Variants in TMTC2 observed in about 807,000 individuals in gnomAD.
The protein encoded by TMTC2 is protein O-mannosyl-transferase TMTC2.
TMTC2 carries 43 observed loss-of-function variants against 82.4 expected under a neutral mutation model. The observed-to-expected ratio is 0.52, with a 90% confidence interval of 0.41 to 0.67. The LOEUF is 0.67. Ranked by LOEUF, TMTC2 falls within the 30% of genes least tolerant of loss-of-function variation. The pLI is 0.00. For synonymous variants in TMTC2, 408 were observed against 381.9 expected, an observed-to-expected ratio of 1.07 and a Z score of -0.80; for missense variants, 919 against 1,012.4, an observed-to-expected ratio of 0.91 and a Z score of 1.25.
In TMTC2 at chr12:82,877,771, T is replaced by A. The variant is rs545534428; in HGVS notation, c.655-18047T>A. 1.4e-4 allele frequency among the ~76,000 whole-genome samples: 22 copies of A among 152,314 alleles called. No homozygotes were observed. In the South Asian group the frequency reaches 3.5e-3, roughly 24 times the overall value. On this transcript the variant is annotated intron_variant, in intron 2 of 11. Coordinates refer to ENST00000321196, the MANE Select transcript of TMTC2 (RefSeq NM_152588.3). ...TTCTACAGTAAAGGATGGTCCTTACTTGCCAAAGGAGCTTTAAATGTTTTC... is the reference window on the plus strand; with the variant it reads ...TTCTACAGTAAAGGATGGTCCTTACATGCCAAAGGAGCTTTAAATGTTTTC...
At chr12:83,061,639 C>T in intron 10 of TMTC2, 129 bp from the exon 11 acceptor site, 1 of 658,044 alleles carries the variant, frequency 1.5e-6, no homozygotes, top group Non-Finnish European at 2.4e-6. Context: ...AAGTCTTTTT[C>T]TGCTTGGGCA....
intron 1 of TMTC2, among the ~76,000 whole-genome samples, chr12:82,790,971 G>T (rs1190189114): frequency 6.6e-6 from 1 of 152,032 alleles, no homozygotes; most frequent in East Asian, 1.9e-4. Context: ...CCCTGTTTAG[G>T]GGAGCCAGTT....
intron 11 of TMTC2, among the ~76,000 whole-genome samples, chr12:83,062,319 T>C (rs1340875940): frequency 1.3e-5 from 2 of 151,908 alleles, no homozygotes; most frequent in East Asian, 3.9e-4. Flanking sequence ...ACAATTTTTC[T>C]CTGGGTAATC....
chr12:82,697,334 CAAAAAAA>C (rs367770708), intron 1 of TMTC2, among the ~76,000 whole-genome samples: 9 of 61,700 alleles, frequency 1.5e-4, no homozygotes, highest in African/African-American at 5.4e-4. Flanking sequence ...CAGCCTGTCT[CAAAAAAA>C]AAAAAAAAAA....
At chr12:82,982,314 A>G (rs1046560451) in intron 7 of TMTC2, among the ~76,000 whole-genome samples, 1 of 151,932 alleles carries the variant, frequency 6.6e-6, no homozygotes, top group African/African-American at 2.4e-5. Flanking sequence ...AGGATTGGAA[A>G]TGAGAAATGT....
At chr12:82,997,398 GTA>G (rs1248707722) in intron 8 of TMTC2, among the ~76,000 whole-genome samples, 55 of 45,972 alleles carry the variant, frequency 1.2e-3, no homozygotes, top group African/African-American at 3.6e-3. Flanking sequence ...ATATATATGT[GTA>G]TATATATATG....
chr12:82,716,578 G>A lies in TMTC2; in HGVS notation c.83+28909G>A, dbSNP rs1451012615. Among the ~76,000 whole-genome samples, 4 of 152,098 alleles carry A rather than the reference G, an allele frequency of 2.6e-5. No individual in the cohort carries two copies. The South Asian group carries it at 8.3e-4, about 32-fold the overall frequency. On this transcript the variant is annotated intron_variant, in intron 1 of 11. Transcript: ENST00000321196. Reference sequence around the variant, plus strand: ...GGGGTTTCACCGTGTTAGCCAGGATGGTCTCGATCTCCTGACCTTGTGATC... The same window carrying A: ...GGGGTTTCACCGTGTTAGCCAGGATAGTCTCGATCTCCTGACCTTGTGATC...
intron 11 of TMTC2, among the ~76,000 whole-genome samples, chr12:83,122,990 T>C (rs1230408713): frequency 6.6e-6 from 1 of 152,238 alleles, no homozygotes; most frequent in Non-Finnish European, 1.5e-5. Context: ...CTTAAGTTAG[T>C]AGATGCACTT....
intron 9 of TMTC2, among the ~76,000 whole-genome samples, chr12:83,037,050 A>T (rs542778067): frequency 6.6e-6 from 1 of 152,190 alleles, no homozygotes; most frequent in Non-Finnish European, 1.5e-5. Flanking sequence ...ACACCTTCCT[A>T]TAGGCCCCAC....
chr12:82,897,612 A>C (rs533323619), intron 3 of TMTC2, among the ~76,000 whole-genome samples: 2 of 151,870 alleles, frequency 1.3e-5, no homozygotes, highest in South Asian at 4.2e-4. Context: ...TGCAACCTCC[A>C]CCTCCTGGGT....
At chr12:82,764,867 TAGAC>T in intron 1 of TMTC2, among the ~76,000 whole-genome samples, 1 of 148,046 alleles carries the variant, frequency 6.8e-6, no homozygotes, top group South Asian at 2.1e-4. Context: ...TAAGATGACA[TAGAC>T]AAATAGGGCA....
chr12:82,850,822 TAGGG>T (rs1008522361), intron 1 of TMTC2, among the ~76,000 whole-genome samples: 8 of 152,168 alleles, frequency 5.3e-5, no homozygotes, highest in African/African-American at 1.9e-4. Context: ...TCCCAGCACT[TAGGG>T]AGGCTGAGGT....
At position 82,848,525 on chromosome 12, in the gene TMTC2, A is replaced by G. The variant is rs2137102272; in HGVS notation, c.84-8485A>G. Among the ~76,000 whole-genome samples the G allele has an allele frequency of 1.3e-5, 2 of 152,042 alleles. 1 individual carries two copies. Among genetic ancestry groups the G allele is most frequent in the South Asian group, 4.1e-4 (2 of 4,824 alleles). ...CTGAATATTTAATGTCAGGGGCTCTATTTTGCTCATCATTCCATTTTCAGT... is the reference window on the plus strand; with the variant it reads ...CTGAATATTTAATGTCAGGGGCTCTGTTTTGCTCATCATTCCATTTTCAGT... On this transcript the variant is annotated intron_variant, in intron 1 of 11. Transcript: ENST00000321196.
intron 11 of TMTC2, among the ~76,000 whole-genome samples, chr12:83,077,880 CTTTTTT>C (rs751044763): frequency 6.7e-4 from 62 of 92,956 alleles, no homozygotes; most frequent in Admixed American, 1.1e-3. Context: ...GACAATCTGT[CTTTTTT>C]TTTTTTTTTT....
chr12:82,736,705 C>T (rs1430327889), intron 1 of TMTC2, among the ~76,000 whole-genome samples: 6 of 152,168 alleles, frequency 3.9e-5, no homozygotes, highest in Admixed American at 2.6e-4. Context: ...TTATTGCTAG[C>T]ATTTTAACAT....
At chr12:82,751,685 C>T (rs4882525) in intron 1 of TMTC2, among the ~76,000 whole-genome samples, 150,680 of 152,282 alleles carry the variant, frequency 0.99, 74,565 homozygotes, top group Middle Eastern at 1. Context: ...GTTGCTGGTT[C>T]ATGGGAGGTG....
intron 8 of TMTC2, among the ~76,000 whole-genome samples, chr12:83,014,426 G>A (rs1412610671): frequency 2.0e-5 from 3 of 152,210 alleles, no homozygotes; most frequent in East Asian, 1.9e-4. Context: ...TGCAACCTCC[G>A]CCTCCCCGCT....
At position 82,958,354 on chromosome 12, in the gene TMTC2, C is replaced by CAAAAAAAA. The variant is rs750819932; in HGVS notation, c.1599-6661_1599-6654dup. On this transcript the variant is annotated intron_variant, in intron 4 of 11. Transcript: ENST00000321196. ...TAGGTGACAGAGCAAGAGTCTGTCT[C>CAAAAAAAA]AAAAAAAAAAAAAAAACAAAAAAAA... is the stretch of plus-strand genomic sequence containing the variant. 3.3e-3 allele frequency among the ~76,000 whole-genome samples: 65 copies of CAAAAAAAA among 19,884 alleles called. 1 individual carries two copies. Among genetic ancestry groups the CAAAAAAAA allele is most frequent in the African/African-American group, 0.015 (63 of 4,192 alleles). 13.0% of individuals were successfully genotyped at this position (19,884 alleles called of 152,430 possible).
At chr12:82,751,599 A>C (rs930244545) in intron 1 of TMTC2, among the ~76,000 whole-genome samples, 1 of 152,136 alleles carries the variant, frequency 6.6e-6, no homozygotes, top group Non-Finnish European at 1.5e-5. Context: ...AATTTTTGAA[A>C]TTTGTAAATT....
Sources: allele counts gnomAD v4.1 joint callset (sites outside exome capture counted in the v4.1 genomes callset), GRCh38; gene constraint gnomAD v4.1.1; transcripts MANE v1.5; gene names NCBI Gene and HGNC (gene_info 2026-07-23, HGNC 2026-07-21).